Variants in EIF3A observed in about 807,000 individuals in gnomAD.
EIF3A encodes EIF3, p180 subunit.
EIF3A carries 21 observed loss-of-function variants against 186.6 expected under a neutral mutation model. The observed-to-expected ratio is 0.11, with a 90% CI of 0.08 to 0.16. EIF3A has a LOEUF of 0.16. EIF3A is among the 10% of genes least tolerant of loss of function. The probability of loss-of-function intolerance (pLI) is 1.00; values close to 1 mark genes in which losing one functional copy is unlikely to be tolerated. For synonymous variants in EIF3A, 563 were observed against 584.3 expected (o/e 0.96, Z 0.52); for missense variants, 1,306 against 1,796.3 (o/e 0.73, Z 4.93).
rs757993599 is a variant in EIF3A, at chr10:119,049,796, C to T, written c.2658+5G>A. On this transcript the variant is annotated splice_donor_5th_base_variant and intron_variant, in intron 17 of 21. Transcript: ENST00000369144. Reference sequence around the variant, plus strand: ...CAAAATAAAATCAATAAACCCTATACTCACCTTTCTAGAAAGGGAACTATC... The same window carrying T: ...CAAAATAAAATCAATAAACCCTATATTCACCTTTCTAGAAAGGGAACTATC... 6 of 1,610,644 alleles carry T rather than the reference C, an allele frequency of 3.7e-6. No homozygotes were observed. In the South Asian group the frequency reaches 4.4e-5, roughly 12 times the overall value.
chr10:119,034,621 A>C lies in EIF3A; in HGVS notation c.*1418T>G, dbSNP rs1757781305. The stretch of plus-strand genomic sequence containing the variant: ...AAATAGCTGCATCTGGTTAAGTTAA[A>C]AAGCATCAATACTCCCTCTTCTGGC... On this transcript the variant is annotated 3_prime_UTR_variant, in exon 22 of 22. Transcript: ENST00000369144. 1 of 152,236 alleles carries C rather than the reference A, an allele frequency of 6.6e-6. No individual in the cohort carries two copies. Among genetic ancestry groups the C allele is most frequent in the South Asian group, 2.1e-4 (1 of 4,834 alleles). 9.4% of individuals were successfully genotyped at this position (152,236 alleles called of 1,614,324 possible).
At position 119,033,976 on chromosome 10, in the gene EIF3A, A is replaced by C. The variant is rs1360726207; in HGVS notation, c.*2063T>G. The C allele has an allele frequency of 6.0e-6, 1 of 167,084 alleles. No individual in the cohort carries two copies. The highest frequency in any genetic ancestry group is 6.5e-5 in the Admixed American group (1 of 15,282). The allele number at this position is 167,084 out of a possible 1,614,324, so 10.4% of individuals were successfully genotyped here. ...CACTATGGACAACTAATGAGATGCAAAGTCTTTTGGACCGATGATGTCTCT... is the reference window on the plus strand; with the variant it reads ...CACTATGGACAACTAATGAGATGCACAGTCTTTTGGACCGATGATGTCTCT... On this transcript the variant is annotated 3_prime_UTR_variant, in exon 22 of 22. Coordinates refer to ENST00000369144, the MANE Select transcript of EIF3A (RefSeq NM_003750.4).
rs1848112690 is a variant in EIF3A, at chr10:119,035,285, G to T, written c.*754C>A. The T allele has an allele frequency of 6.6e-6, 1 of 152,608 alleles. No homozygotes were observed. Among genetic ancestry groups the T allele is most frequent in the South Asian group, 2.1e-4 (1 of 4,826 alleles). 9.5% of individuals were successfully genotyped at this position (152,608 alleles called of 1,614,324 possible). On this transcript the variant is annotated 3_prime_UTR_variant, in exon 22 of 22. Transcript: ENST00000369144. ...TTATAAATATTGTCATATTTAAAATGCTTGAAAGGCATGAATTCTCCATTA... is the reference window on the plus strand; with the variant it reads ...TTATAAATATTGTCATATTTAAAATTCTTGAAAGGCATGAATTCTCCATTA...
rs1339977155 is a variant in EIF3A at position 119,043,966 on chromosome 10, T to C, written c.2747+88A>G. 5 of 945,162 alleles carry C rather than the reference T, an allele frequency of 5.3e-6. No homozygotes were observed. In the Admixed American group the frequency reaches 5.6e-5, roughly 11 times the overall value. The allele number at this position is 945,162 out of a possible 1,614,324, so 58.5% of individuals were successfully genotyped here. A position where few individuals can be genotyped will look rare whatever the true frequency, so the allele number is the denominator to read the frequency against. On this transcript the variant is annotated intron_variant, in intron 18 of 21. Coordinates refer to ENST00000369144, the MANE Select transcript of EIF3A (RefSeq NM_003750.4). Reference sequence around the variant, plus strand: ...CAATTCTTCATGGCTCTCCTTTCCCTGCCTCTACAAAATGAACCAAATTTT... The same window carrying C: ...CAATTCTTCATGGCTCTCCTTTCCCCGCCTCTACAAAATGAACCAAATTTT...
At chr10:119,064,310 A>G (rs529741958) in intron 7 of EIF3A, among the ~76,000 whole-genome samples, 12 of 152,318 alleles carry the variant, frequency 7.9e-5, no homozygotes, top group Non-Finnish European at 1.5e-4. Flanking sequence ...AGGTAAGTCT[A>G]CCTTACCTTC....
chr10:119,079,010 G>T (rs1001544751), intron 1 of EIF3A, among the ~76,000 whole-genome samples: 1 of 152,112 alleles, frequency 6.6e-6, no homozygotes, highest in African/African-American at 2.4e-5. Context: ...CAACAGCCAT[G>T]CAGAGTAGTA....
intron 1 of EIF3A, 41 bp from the exon 2 acceptor site, chr10:119,073,978 T>C (rs377468658): frequency 7.5e-6 from 11 of 1,470,226 alleles, no homozygotes; most frequent in Non-Finnish European, 1.0e-5. Flanking sequence ...ATGTACACTA[T>C]ACAAGAGTCT....
In EIF3A at chr10:119,059,724, T is replaced by C. The variant is rs1843850418; in HGVS notation, c.1327-6A>G. 8 of 1,590,248 alleles carry C rather than the reference T, an allele frequency of 5.0e-6. No homozygotes were observed. The highest frequency in any genetic ancestry group is 6.9e-6 in the Non-Finnish European group (8 of 1,158,250). ...CTCTGATAAATCTGTGACACCTGCA[T>C]AGAAAACAAAGGGTTAATAACACTA... On this transcript the variant is annotated splice_region_variant and splice_polypyrimidine_tract_variant and intron_variant, in intron 9 of 21. Transcript: ENST00000369144.
chr10:119,062,581 C>T (rs1043435521), intron 7 of EIF3A, among the ~76,000 whole-genome samples: 3 of 152,152 alleles, frequency 2.0e-5, no homozygotes, highest in Admixed American at 6.5e-5. Flanking sequence ...GGACTCTAAT[C>T]TAGATGCCCT....
chr10:119,059,805 G>T, intron 9 of EIF3A, 87 bp from the exon 10 acceptor site: 3 of 861,546 alleles, frequency 3.5e-6, no homozygotes, highest in Non-Finnish European at 2.0e-6. Flanking sequence ...ATGGGAAGTA[G>T]AAATTATGCC....
chr10:119,038,268 A>C lies in EIF3A; in HGVS notation c.3698T>G (p.Val1233Gly). Residue 1233 changes from valine (V) to glycine (G), a missense_variant, in exon 20 of 22, where the codon GTG becomes GGG. Val to Gly is a moderately radical substitution (Grantham distance 109). Coordinates refer to ENST00000369144, the MANE Select transcript of EIF3A (RefSeq NM_003750.4). ...TCTTCTGAAGCGATCCTCTCGATCCACATCTCTCTCTCTGTCCCTTTCTCT... is the reference window on the plus strand; with the variant it reads ...TCTTCTGAAGCGATCCTCTCGATCCCCATCTCTCTCTCTGTCCCTTTCTCT... ...PERERDRERD[V>G]DREDRFRRPR... 1 of 1,614,052 alleles carries C rather than the reference A, an allele frequency of 6.2e-7. No individual in the cohort carries two copies. Among genetic ancestry groups the C allele is most frequent in the Non-Finnish European group, 8.5e-7 (1 of 1,179,966 alleles).
At chr10:119,080,427 G>A (rs1441338868) in intron 1 of EIF3A, 1 of 985,350 alleles carries the variant, frequency 1.0e-6, no homozygotes, top group African/African-American at 1.7e-5. Context: ...ACGGTTCCGG[G>A]CTACGCGCCT....
intron 15 of EIF3A, 24 bp downstream of exon 15, chr10:119,051,175 T>A (rs201530350): frequency 3.1e-6 from 5 of 1,587,978 alleles, no homozygotes; most frequent in Non-Finnish European, 4.3e-6. Flanking sequence ...TGAATAAACA[T>A]TTCCCAAAAA....
intron 11 of EIF3A, among the ~76,000 whole-genome samples, 155 bp downstream of exon 11, chr10:119,059,057 G>T: frequency 6.6e-6 from 1 of 152,274 alleles, no homozygotes; most frequent in South Asian, 2.1e-4. Context: ...TTGTGTATTT[G>T]ATCAAATAAC....
chr10:119,043,923 C>A lies in EIF3A; in HGVS notation c.2747+131G>T, dbSNP rs565922. 5 of 704,062 alleles carry A rather than the reference C, an allele frequency of 7.1e-6. No individual in the cohort carries two copies. The Admixed American group carries it at 1.0e-4, about 14-fold the overall frequency. 43.6% of individuals were successfully genotyped at this position (704,062 alleles called of 1,614,324 possible). On this transcript the variant is annotated intron_variant, in intron 18 of 21. Coordinates refer to ENST00000369144, the MANE Select transcript of EIF3A (RefSeq NM_003750.4). ...CAAAAAAACAAAATACAAACCCACA[C>A]GCAATCAGACATGCACACAATTCTT...
chr10:119,047,191 CTG>C (rs1195113423), intron 17 of EIF3A, among the ~76,000 whole-genome samples: 1 of 152,150 alleles, frequency 6.6e-6, no homozygotes, highest in Non-Finnish European at 1.5e-5. Context: ...TTGCTTGAAA[CTG>C]GGAGGCGGAG....
chr10:119,059,783 C>T, intron 9 of EIF3A, 65 bp from the exon 10 acceptor site: 2 of 1,019,388 alleles, frequency 2.0e-6, no homozygotes, highest in Non-Finnish European at 3.1e-6. Context: ...TATGTGCAAT[C>T]TCATGACAGT....
chr10:119,037,010 T>C (rs1291921313), intron 21 of EIF3A, 109 bp downstream of exon 21: 1 of 773,622 alleles, frequency 1.3e-6, no homozygotes, highest in African/African-American at 1.7e-5. Flanking sequence ...ATATCAACTC[T>C]CTTATTGTTG....
Position 119,073,750 on chromosome 10 carries a change from T to C in EIF3A, c.237A>G (p.Gln79=), listed in dbSNP as rs375386657. The C allele has an allele frequency of 6.9e-5, 110 of 1,593,382 alleles. 1 individual carries two copies. The highest frequency in any genetic ancestry group is 5.4e-4 in the East Asian group (24 of 44,636). ...EGLYQYKNIC[Q]QVNIKSLEDV... ...TACAACCCAGTTCCGTTTGTACCTG[T>C]TGACAAATGTTCTTATACTGGTATA... is the stretch of plus-strand genomic sequence containing the variant. Residue 79 remains glutamine, a synonymous_variant, in exon 2 of 22, where the codon CAA becomes CAG. Transcript: ENST00000369144.
Sources: gnomAD v4.1 joint callset for allele counts (sites outside exome capture counted in the v4.1 genomes callset) on GRCh38, gnomAD v4.1.1 for gene constraint, MANE v1.5 for transcripts, NCBI Gene and HGNC (gene_info 2026-07-23, HGNC 2026-07-21) for gene names.